SLC36A1: variants seen among roughly 807,000 people sequenced by gnomAD.
SLC36A1 encodes the protein proton-coupled amino acid transporter 1.
SLC36A1 carries 30 observed loss-of-function variants against 47.5 expected under a neutral mutation model. The ratio of observed to expected loss-of-function variants is 0.63; its 90% CI spans 0.47 to 0.86. SLC36A1 has a LOEUF of 0.86. Among genes scored for constraint, SLC36A1 ranks in the 40% least tolerant of loss-of-function variants. The probability of loss-of-function intolerance (pLI) is 0.00; values close to 1 mark genes in which losing one functional copy is unlikely to be tolerated. For missense variants in SLC36A1, 517 were observed against 606.0 expected (o/e 0.85, Z 1.54); for synonymous variants, 255 against 249.7 (o/e 1.02, Z -0.20).
the SLC36A1 span, chr5:151,507,683 A>G: frequency 4.6e-5 from 64 of 1,378,444 alleles, no homozygotes; most frequent in Non-Finnish European, 6.0e-5. Flanking sequence ...ACAGAGATCT[A>G]TGGGATAGAG....
rs1376077905 is a variant in SLC36A1, at chr5:151,447,681, T to TGAAGCCAGAGCC, written c.-136_-125dup. The TGAAGCCAGAGCC allele has an allele frequency of 2.0e-5, 3 of 153,092 alleles. No individual in the cohort carries two copies. The highest frequency in any genetic ancestry group is 7.2e-5 in the African/African-American group (3 of 41,480). The allele number at this position is 153,092 out of a possible 1,614,324, so 9.5% of individuals were successfully genotyped here. ...TGAACCCGGGAAGGGTGGGCTGTGC[T>TGAAGCCAGAGCC]GAAGCCAGAGCCGGAGCCGGAGCTG... is the stretch of plus-strand genomic sequence containing the variant. On this transcript the variant is annotated 5_prime_UTR_variant, in exon 1 of 11. Coordinates refer to ENST00000243389, the MANE Select transcript of SLC36A1 (RefSeq NM_078483.4).
At chr5:151,537,439 A>G in the SLC36A1 span, among the ~76,000 whole-genome samples, 2 of 146,954 alleles carry the variant, frequency 1.4e-5, no homozygotes, top group Middle Eastern at 3.2e-3. Context: ...AGAGGAAAGG[A>G]GAGGGGAGGG....
chr5:151,534,044 C>A, the SLC36A1 span, among the ~76,000 whole-genome samples: 13 of 152,166 alleles, frequency 8.5e-5, no homozygotes, highest in East Asian at 2.5e-3. Flanking sequence ...CCCAAAATTC[C>A]TTTCTTGAGG....
the SLC36A1 span, among the ~76,000 whole-genome samples, chr5:151,513,451 G>T: frequency 3.9e-5 from 6 of 152,164 alleles, no homozygotes; most frequent in Admixed American, 2.6e-4. Context: ...CAGCAACATG[G>T]ATGGAGTTGG....
the SLC36A1 span, among the ~76,000 whole-genome samples, chr5:151,399,741 T>A: frequency 0.45 from 68,060 of 152,054 alleles, 16,111 homozygotes; most frequent in African/African-American, 0.62. Flanking sequence ...ATGAATAAAA[T>A]GAGACCCACT....
chr5:151,530,111 T>C, the SLC36A1 span, among the ~76,000 whole-genome samples: 96,513 of 152,002 alleles, frequency 0.63, 31,562 homozygotes, highest in East Asian at 0.92. Flanking sequence ...AGGAAATGAT[T>C]AGCAAAGCCT....
upstream of SLC36A1, among the ~76,000 whole-genome samples, chr5:151,433,256 ATATATATATATT>A (rs1759531776): frequency 6.4e-5 from 1 of 15,706 alleles, no homozygotes; most frequent in African/African-American, 2.7e-4. Flanking sequence ...ATATATATAT[ATATATATATATT>A]TTTTTTTTTT....
intron 1 of SLC36A1, among the ~76,000 whole-genome samples, chr5:151,441,685 T>G (rs746222232): frequency 6.6e-6 from 1 of 152,170 alleles, no homozygotes; most frequent in Non-Finnish European, 1.5e-5. Flanking sequence ...GAAAGGGGAT[T>G]TTCAATTTAT....
the SLC36A1 span, among the ~76,000 whole-genome samples, chr5:151,406,920 G>A: frequency 6.6e-5 from 10 of 152,300 alleles, no homozygotes; most frequent in South Asian, 2.1e-3. Context: ...TCCTTCAGAT[G>A]TTCAGATGTG....
chr5:151,433,677 A>G (rs1581001948), upstream of SLC36A1, among the ~76,000 whole-genome samples: 1 of 152,160 alleles, frequency 6.6e-6, no homozygotes, highest in Non-Finnish European at 1.5e-5. Context: ...TCACTCAGCC[A>G]GGTGAAGACA....
the SLC36A1 span, chr5:151,509,429 C>T: frequency 1.3e-5 from 2 of 152,736 alleles, no homozygotes; most frequent in Non-Finnish European, 2.9e-5. Flanking sequence ...GGTCGGTGGC[C>T]TGTTAGGAGC....
intron 1 of SLC36A1, among the ~76,000 whole-genome samples, chr5:151,452,813 T>C (rs1333154135): frequency 3.0e-4 from 41 of 137,356 alleles, no homozygotes; most frequent in East Asian, 2.0e-3. Flanking sequence ...GAGGTTGCAG[T>C]GAGCCAAGAT....
intron 4 of SLC36A1, 136 bp from the exon 5 acceptor site, chr5:151,464,938 G>A (rs1756117614): frequency 4.3e-6 from 3 of 695,082 alleles, no homozygotes; most frequent in South Asian, 3.4e-5. Flanking sequence ...TTGAAAGCAC[G>A]AGATACAGGA....
the SLC36A1 span, among the ~76,000 whole-genome samples, chr5:151,518,371 A>ATTATTATTATT: frequency 7.1e-3 from 936 of 131,120 alleles, 5 homozygotes; most frequent in Middle Eastern, 0.021. Context: ...TAATAATAAT[A>ATTATTATTATT]ATAATTTTTA....
chr5:151,550,173 G>A, the SLC36A1 span, among the ~76,000 whole-genome samples: 1 of 152,162 alleles, frequency 6.6e-6, no homozygotes, highest in Non-Finnish European at 1.5e-5. Flanking sequence ...AAAAATGCAG[G>A]CACATGGCCC....
At chr5:151,505,714 G>C in the SLC36A1 span, 3 of 1,613,666 alleles carry the variant, frequency 1.9e-6, no homozygotes, top group Admixed American at 3.3e-5. Flanking sequence ...CGGCTGAGGC[G>C]CATACCCACC....
At chr5:151,549,442 C>T in the SLC36A1 span, 2 of 1,614,144 alleles carry the variant, frequency 1.2e-6, no homozygotes, top group South Asian at 2.2e-5. Flanking sequence ...TGGAGGTTTC[C>T]ATCCTCCACA....
chr5:151,438,497 C>A (rs1334007225), intron 1 of SLC36A1, among the ~76,000 whole-genome samples: 1 of 152,114 alleles, frequency 6.6e-6, no homozygotes, highest in Admixed American at 6.5e-5. Context: ...GGCCACTGCA[C>A]ATGATTGGGA....
chr5:151,414,246 G>A, the SLC36A1 span, among the ~76,000 whole-genome samples: 18 of 152,162 alleles, frequency 1.2e-4, no homozygotes, highest in Non-Finnish European at 2.5e-4. Flanking sequence ...ATTTAGGATG[G>A]GTATGATTTG....
Sources: gnomAD v4.1 joint callset for allele counts (sites outside exome capture counted in the v4.1 genomes callset) on GRCh38, gnomAD v4.1.1 for gene constraint, MANE v1.5 for transcripts, NCBI Gene and HGNC (gene_info 2026-07-23, HGNC 2026-07-21) for gene names.